The following TMEM232 variants were observed in gnomAD, a reference collection of about 807,000 sequenced individuals.
TMEM232 encodes transmembrane protein 232.
Under a neutral mutation model 78.8 loss-of-function variants are expected in TMEM232, and 80 were observed. The observed-to-expected ratio is 1.01, with a 90% CI of 0.85 to 1.22. The LOEUF is 1.22. Ranked by LOEUF, TMEM232 falls within the 50% of genes most tolerant of loss-of-function variation. The probability of loss-of-function intolerance (pLI) is 0.00; values close to 1 mark genes in which losing one functional copy is unlikely to be tolerated. For missense variants in TMEM232, 881 were observed against 742.2 expected (o/e 1.19, Z -2.17); for synonymous variants, 297 against 254.3 (o/e 1.17, Z -1.60).
rs139204681 is a variant in TMEM232 at position 110,541,632 on chromosome 5, A to G, written c.1456-12797T>C. 6.6e-5 allele frequency among the ~76,000 whole-genome samples: 10 copies of G among 152,296 alleles called. No homozygotes were observed. The East Asian group carries it at 7.7e-4, about 12-fold the overall frequency. On this transcript the variant is annotated intron_variant, in intron 11 of 13. Transcript: ENST00000455884. ...CTGGAAAAGTAGAAAGGACTATCCAAACTCTAAAGTGAGTGTTAGCTAAGC... is the reference window on the plus strand; with the variant it reads ...CTGGAAAAGTAGAAAGGACTATCCAGACTCTAAAGTGAGTGTTAGCTAAGC...
At chr5:110,631,361 G>C (rs1429130549) in intron 5 of TMEM232, among the ~76,000 whole-genome samples, 1 of 152,090 alleles carries the variant, frequency 6.6e-6, no homozygotes, top group Admixed American at 6.6e-5. Flanking sequence ...CAAGCAGAGA[G>C]AGAGATCCCA....
intron 2 of TMEM232, among the ~76,000 whole-genome samples, chr5:110,408,919 C>G (rs908168302): frequency 2.0e-5 from 3 of 152,098 alleles, no homozygotes; most frequent in African/African-American, 7.2e-5. Flanking sequence ...CATGAGAAGC[C>G]AAGCCTTCTG....
At chr5:110,559,701 T>C (rs1272790500) in intron 11 of TMEM232, among the ~76,000 whole-genome samples, 1 of 152,178 alleles carries the variant, frequency 6.6e-6, no homozygotes, top group Non-Finnish European at 1.5e-5. Context: ...TATGTATTAG[T>C]TCCTGGTGTT....
intron 8 of TMEM232, among the ~76,000 whole-genome samples, chr5:110,608,747 G>C (rs865869729): frequency 1.3e-5 from 2 of 152,064 alleles, no homozygotes; most frequent in Middle Eastern, 3.4e-3. Flanking sequence ...TTATAAACTG[G>C]AGTTTGTCGA....
chr5:110,580,478 G>A (rs1426563960), intron 10 of TMEM232, among the ~76,000 whole-genome samples: 2 of 151,624 alleles, frequency 1.3e-5, no homozygotes, highest in Non-Finnish European at 3.0e-5. Context: ...ACTCTATTAT[G>A]CTTGCATAGT....
rs1459627528 is a variant in TMEM232, at chr5:110,640,791, G to C, written c.343+100C>G. The C allele has an allele frequency of 8.2e-6, 6 of 732,348 alleles. 1 individual carries two copies. Among genetic ancestry groups the C allele is most frequent in the South Asian group, 7.9e-5 (2 of 25,364 alleles). 45.4% of individuals were successfully genotyped at this position (732,348 alleles called of 1,614,324 possible). A position where few individuals can be genotyped will look rare whatever the true frequency, so the allele number is the denominator to read the frequency against. On this transcript the variant is annotated intron_variant, in intron 4 of 13. Coordinates refer to ENST00000455884, the MANE Select transcript of TMEM232 (RefSeq NM_001039763.4). ...TTTTGATAGAGTAGAAAAATTTCTTGTCTTCTGCACAATTTTTAAAAATTA... is the reference window on the plus strand; with the variant it reads ...TTTTGATAGAGTAGAAAAATTTCTTCTCTTCTGCACAATTTTTAAAAATTA...
At chr5:110,417,093 T>C (rs546926726), downstream of TMEM232, among the ~76,000 whole-genome samples, 4 of 152,292 alleles carry the variant, frequency 2.6e-5, no homozygotes, top group South Asian at 6.2e-4. Flanking sequence ...GAGAAACCTA[T>C]GGAAACTTAT....
intron 3 of TMEM232, among the ~76,000 whole-genome samples, chr5:110,395,111 G>T (rs1294600290): frequency 1.3e-5 from 2 of 152,012 alleles, no homozygotes; most frequent in African/African-American, 4.8e-5. Context: ...CTCCCTCAGG[G>T]GCATAGAGAT....
At chr5:110,649,336 T>C (rs2150051002) in intron 2 of TMEM232, among the ~76,000 whole-genome samples, 1 of 152,194 alleles carries the variant, frequency 6.6e-6, no homozygotes, top group African/African-American at 2.4e-5. Flanking sequence ...TTTCTGAAAA[T>C]GATTTTATGT....
chr5:110,586,012 T>C (rs2149746987), intron 10 of TMEM232, among the ~76,000 whole-genome samples: 1 of 152,240 alleles, frequency 6.6e-6, no homozygotes, highest in Non-Finnish European at 1.5e-5. Context: ...GACTTATAGG[T>C]CAACTTGTGG....
At chr5:110,626,204 G>T (rs968339475) in intron 6 of TMEM232, among the ~76,000 whole-genome samples, 1 of 151,762 alleles carries the variant, frequency 6.6e-6, no homozygotes, top group East Asian at 1.9e-4. Context: ...TTTGAGGAGG[G>T]TATATCCTCA....
chr5:110,478,131 C>A (rs984293251), intron 12 of TMEM232, among the ~76,000 whole-genome samples: 2 of 151,918 alleles, frequency 1.3e-5, no homozygotes, highest in African/African-American at 2.4e-5. Context: ...GCAAAGCTGT[C>A]TGTATCCCAC....
At position 110,411,670 on chromosome 5, in the gene TMEM232, A is replaced by T. The variant is rs541326880; in HGVS notation, n.308+13153T>A. Among the ~76,000 whole-genome samples, 4 of 152,340 alleles carry T rather than the reference A, an allele frequency of 2.6e-5. No individual in the cohort carries two copies. The East Asian group carries it at 7.7e-4, about 29-fold the overall frequency. On this transcript the variant is annotated intron_variant and non_coding_transcript_variant, in intron 2 of 8. Transcript: ENST00000507188. The stretch of plus-strand genomic sequence containing the variant: ...CTATAAATTTGACCACTACAGATAT[A>T]TAAGTGGAATCATACAGTATTTGTC...
At chr5:110,563,457 G>A (rs1010143360) in intron 11 of TMEM232, among the ~76,000 whole-genome samples, 11 of 151,816 alleles carry the variant, frequency 7.2e-5, no homozygotes. Context: ...TGATTTGACA[G>A]TAGCATATAA....
intron 12 of TMEM232, among the ~76,000 whole-genome samples, chr5:110,510,916 C>T (rs373240435): frequency 6.6e-6 from 1 of 152,076 alleles, no homozygotes; most frequent in Non-Finnish European, 1.5e-5. Flanking sequence ...ATCAGAAATA[C>T]CATTTGACCC....
chr5:110,471,539 A>C (rs754445410), intron 12 of TMEM232, among the ~76,000 whole-genome samples: 3 of 151,968 alleles, frequency 2.0e-5, no homozygotes, highest in Non-Finnish European at 4.4e-5. Flanking sequence ...AAGGAATTCC[A>C]TTATGATATC....
intron 8 of TMEM232, among the ~76,000 whole-genome samples, chr5:110,608,722 CAG>C (rs1781812185): frequency 6.6e-6 from 1 of 151,916 alleles, no homozygotes; most frequent in African/African-American, 2.4e-5. Flanking sequence ...TCGTCAAAAA[CAG>C]AAACATCAAT....
chr5:110,442,429 G>T (rs1162944313), intron 12 of TMEM232, among the ~76,000 whole-genome samples: 1 of 151,694 alleles, frequency 6.6e-6, no homozygotes, highest in Admixed American at 6.6e-5. Flanking sequence ...GCATTCTTCA[G>T]TATGTGAATT....
At position 110,638,365 on chromosome 5, in the gene TMEM232, T is replaced by A. The variant is rs1271228594; in HGVS notation, c.344-10A>T. 6 of 1,522,460 alleles carry A rather than the reference T, an allele frequency of 3.9e-6. 1 individual carries two copies. In the South Asian group the frequency reaches 7.7e-5, roughly 19 times the overall value. 94.3% of individuals were successfully genotyped at this position (1,522,460 alleles called of 1,614,324 possible). On this transcript the variant is annotated splice_polypyrimidine_tract_variant and intron_variant, in intron 4 of 13. Coordinates refer to ENST00000455884, the MANE Select transcript of TMEM232 (RefSeq NM_001039763.4). Reference sequence around the variant, plus strand: ...AGCATATTTAAAGATTCTGAAATATTAAAAATATAGAAACTGCATCATTTG... The same window carrying A: ...AGCATATTTAAAGATTCTGAAATATAAAAAATATAGAAACTGCATCATTTG...
Sources: allele counts gnomAD v4.1 joint callset (sites outside exome capture counted in the v4.1 genomes callset), GRCh38; gene constraint gnomAD v4.1.1; transcripts MANE v1.5; gene names NCBI Gene and HGNC (gene_info 2026-07-23, HGNC 2026-07-21).